The following TMBIM6 variants were observed in gnomAD, a reference collection of about 807,000 sequenced individuals.
TMBIM6 encodes the protein bax inhibitor 1.
TMBIM6 carries 13 observed loss-of-function variants against 31.4 expected under a neutral mutation model. That is an observed-to-expected ratio of 0.41 (90% CI 0.27 to 0.66). TMBIM6 has a LOEUF of 0.66. Ranked by LOEUF, TMBIM6 falls within the 30% of genes least tolerant of loss-of-function variation. The probability of loss-of-function intolerance (pLI) is 0.28; values close to 1 mark genes in which losing one functional copy is unlikely to be tolerated. For missense variants in TMBIM6, 275 were observed against 289.5 expected (o/e 0.95, Z 0.36); for synonymous variants, 85 against 101.7 (o/e 0.84, Z 0.99).
At position 49,759,292 on chromosome 12, in the gene TMBIM6, G is replaced by T. The variant is rs762382400; in HGVS notation, c.585G>T (p.Lys195Asn). ...VLFDTQLIIE[K>N]AEHGDQDYIW... is the part of the protein sequence containing the mutation. ...TTGATACTCAACTCATTATTGAAAA[G>T]GCCGAACATGGAGATCAAGATTATA... The change falls in exon 8 of 10, where the codon AAG (lysine) becomes AAT (asparagine). Residue 195 changes from lysine to asparagine, a missense_variant. Transcript: ENST00000267115. 1 of 1,614,080 alleles carries T rather than the reference G, an allele frequency of 6.2e-7. No individual in the cohort carries two copies. The highest frequency in any genetic ancestry group is 8.5e-7 in the Non-Finnish European group (1 of 1,179,984).
chr12:49,758,144 C>T (rs1945641025), intron 4 of TMBIM6, 83 bp from the exon 5 acceptor site: 1 of 1,471,310 alleles, frequency 6.8e-7, no homozygotes, highest in Admixed American at 1.7e-5. Flanking sequence ...ATGAGTATGC[C>T]TATATTTCGG....
chr12:49,755,044 C>T (rs1945563527), intron 3 of TMBIM6, among the ~76,000 whole-genome samples: 1 of 152,168 alleles, frequency 6.6e-6, no homozygotes, highest in Non-Finnish European at 1.5e-5. Flanking sequence ...GCAACCTCTG[C>T]CTCCCTGGGT....
chr12:49,762,811 A>G (rs903615093), intron 9 of TMBIM6, 62 bp from the exon 10 acceptor site: 11 of 1,527,166 alleles, frequency 7.2e-6, no homozygotes, highest in South Asian at 3.4e-5. Context: ...TGCTCACTCA[A>G]GAGTTTTAGC....
rs1945748026 is a variant in TMBIM6 at position 49,762,929 on chromosome 12, C to T, written c.*33C>T. 6.2e-7 allele frequency: 1 copy of T among 1,607,768 alleles called. No homozygotes were observed. The highest frequency in any genetic ancestry group is 1.1e-5 in the South Asian group (1 of 90,858). On this transcript the variant is annotated 3_prime_UTR_variant, in exon 10 of 10. Transcript: ENST00000267115. Reference sequence around the variant, plus strand: ...ATCCAGCCTTTCCCAATTAGACTTCCTCTCCTTCCACCCCTCATTTCCTTT... The same window carrying T: ...ATCCAGCCTTTCCCAATTAGACTTCTTCTCCTTCCACCCCTCATTTCCTTT...
intron 4 of TMBIM6, among the ~76,000 whole-genome samples, chr12:49,756,133 C>T (rs1945587771): frequency 6.7e-6 from 1 of 150,244 alleles, no homozygotes; most frequent in Admixed American, 6.7e-5. Flanking sequence ...GTGCCTGGCC[C>T]TTTTTTTCCT....
At position 49,764,794 on chromosome 12, in the gene TMBIM6, ACTTT is replaced by A. The variant is rs1050968805; in HGVS notation, c.*1903_*1906del. ...GATTTTTAATATAGTTATCTCTACC[ACTTT>A]CTTTTCTAGTTTCTTGATTTTCAGC... is the stretch of plus-strand genomic sequence containing the variant. On this transcript the variant is annotated 3_prime_UTR_variant, in exon 10 of 10. Transcript: ENST00000267115. 3.3e-5 allele frequency: 5 copies of A among 151,960 alleles called. No homozygotes were observed. The highest frequency in any genetic ancestry group is 3.4e-3 in the Middle Eastern group (1 of 290). The allele number at this position is 151,960 out of a possible 1,614,324, so 9.4% of individuals were successfully genotyped here. A position where few individuals can be genotyped will look rare whatever the true frequency, so the allele number is the denominator to read the frequency against.
At chr12:49,742,270 C>T in intron 1 of TMBIM6, 3 of 1,599,526 alleles carry the variant, frequency 1.9e-6, no homozygotes, top group Non-Finnish European at 2.6e-6. Flanking sequence ...GGATTGGTTA[C>T]CTTTGGGCAG....
At chr12:49,751,541 GCATAAA>G (rs1945494261) in intron 1 of TMBIM6, among the ~76,000 whole-genome samples, 1 of 151,956 alleles carries the variant, frequency 6.6e-6, no homozygotes, top group African/African-American at 2.4e-5. Flanking sequence ...CCTCCTTTCT[GCATAAA>G]TTCCTTTTTT....
rs559405735 is a variant in TMBIM6 at position 49,764,479 on chromosome 12, C to G, written c.*1583C>G. The G allele has an allele frequency of 1.3e-5, 2 of 152,684 alleles. No individual in the cohort carries two copies. The highest frequency in any genetic ancestry group is 4.8e-5 in the African/African-American group (2 of 41,562). 9.5% of individuals were successfully genotyped at this position (152,684 alleles called of 1,614,324 possible). A position where few individuals can be genotyped will look rare whatever the true frequency, so the allele number is the denominator to read the frequency against. ...TGCCACCCCGAATGGCTCACTTTCACTGAGGATGCTGTCCTCTGATTTAGC... is the reference window on the plus strand; with the variant it reads ...TGCCACCCCGAATGGCTCACTTTCAGTGAGGATGCTGTCCTCTGATTTAGC... On this transcript the variant is annotated 3_prime_UTR_variant, in exon 10 of 10. Coordinates refer to ENST00000267115, the MANE Select transcript of TMBIM6 (RefSeq NM_003217.3).
Position 49,762,931 on chromosome 12 carries a change from C to T in TMBIM6, c.*35C>T, listed in dbSNP as rs768385751. 10 of 1,606,360 alleles carry T rather than the reference C, an allele frequency of 6.2e-6. No individual in the cohort carries two copies. The highest frequency in any genetic ancestry group is 2.7e-5 in the African/African-American group (2 of 74,768). On this transcript the variant is annotated 3_prime_UTR_variant, in exon 10 of 10. Transcript: ENST00000267115. ...CCAGCCTTTCCCAATTAGACTTCCT[C>T]TCCTTCCACCCCTCATTTCCTTTTT...
intron 3 of TMBIM6, among the ~76,000 whole-genome samples, chr12:49,755,202 C>T (rs1057514621): frequency 1.1e-4 from 16 of 151,848 alleles, no homozygotes; most frequent in Non-Finnish European, 2.1e-4. Flanking sequence ...GGTGATTTGC[C>T]CACCTCGGCC....
intron 4 of TMBIM6, among the ~76,000 whole-genome samples, chr12:49,757,345 T>C (rs1565922442): frequency 1.3e-5 from 2 of 152,204 alleles, no homozygotes; most frequent in Non-Finnish European, 2.9e-5. Context: ...CATAGAACTT[T>C]TAATAAACTA....
intron 4 of TMBIM6, among the ~76,000 whole-genome samples, chr12:49,756,674 C>T (rs1224008791): frequency 6.6e-6 from 1 of 151,786 alleles, no homozygotes; most frequent in African/African-American, 2.4e-5. Flanking sequence ...ATCTGCTCGC[C>T]TCAGCCTCCC....
intron 7 of TMBIM6, 184 bp downstream of exon 7, chr12:49,758,946 C>T (rs1381997745): frequency 1.5e-6 from 1 of 658,356 alleles, no homozygotes; most frequent in Non-Finnish European, 2.6e-6. Flanking sequence ...TTGGGCATTG[C>T]TAAGAGAAAA....
chr12:49,755,626 C>T lies in TMBIM6; in HGVS notation c.166-9C>T. 1 of 1,612,452 alleles carries T rather than the reference C, an allele frequency of 6.2e-7. No individual in the cohort carries two copies. Among genetic ancestry groups the T allele is most frequent in the South Asian group, 1.1e-5 (1 of 90,760 alleles). On this transcript the variant is annotated splice_polypyrimidine_tract_variant and intron_variant, in intron 3 of 9. Coordinates refer to ENST00000267115, the MANE Select transcript of TMBIM6 (RefSeq NM_003217.3). ...GTGTTTAATGATTGATTGATTCTGA[C>T]TCTAACAGGCTGGCCTGCTGTCTGC...
In TMBIM6 at chr12:49,752,451, C is replaced by G. The variant is rs1435163873; in HGVS notation, c.-30-13C>G. On this transcript the variant is annotated splice_polypyrimidine_tract_variant and intron_variant, in intron 1 of 9. Transcript: ENST00000267115. The stretch of plus-strand genomic sequence containing the variant: ...GTATGACTTAATGACTCTAACCTTT[C>G]TTTATTCTGCAGAGTGGAGACTGCT... 1 of 1,574,316 alleles carries G rather than the reference C, an allele frequency of 6.4e-7. No individual in the cohort carries two copies. Among genetic ancestry groups the G allele is most frequent in the African/African-American group, 1.4e-5 (1 of 72,394 alleles).
intron 3 of TMBIM6, 89 bp from the exon 4 acceptor site, chr12:49,755,546 G>C: frequency 6.7e-7 from 1 of 1,499,270 alleles, no homozygotes; most frequent in South Asian, 1.2e-5. Context: ...AGGAAGTTCA[G>C]ACGAGTGTTT....
At chr12:49,746,847 T>G (rs12317162) in intron 1 of TMBIM6, among the ~76,000 whole-genome samples, 3,390 of 152,188 alleles carry the variant, frequency 0.022, 130 homozygotes, top group African/African-American at 0.078. Context: ...TTTGTTTTTG[T>G]TTTTTTGAGA....
intron 1 of TMBIM6, among the ~76,000 whole-genome samples, chr12:49,746,809 A>G (rs1945403258): frequency 6.6e-6 from 1 of 152,116 alleles, no homozygotes. Flanking sequence ...CTACTGACAA[A>G]TTACTAACAG....
Sources: gnomAD v4.1 joint callset for allele counts (sites outside exome capture counted in the v4.1 genomes callset) on GRCh38, gnomAD v4.1.1 for gene constraint, MANE v1.5 for transcripts, NCBI Gene and HGNC (gene_info 2026-07-23, HGNC 2026-07-21) for gene names.